ROR2: variants seen among roughly 807,000 people sequenced by gnomAD.
ROR2 encodes tyrosine-protein kinase transmembrane receptor ROR2.
In ROR2, 33 loss-of-function variants were observed where a neutral mutation model predicts 74.9. The ratio of observed to expected loss-of-function variants is 0.44; its 90% CI spans 0.33 to 0.59. The LOEUF (loss-of-function observed/expected upper bound fraction) is 0.59. ROR2 is among the 20% of genes least tolerant of loss of function. The pLI is 0.02. For missense variants in ROR2, 1,216 were observed against 1,313.8 expected, an observed-to-expected ratio of 0.93 and a Z score of 1.15; for synonymous variants, 586 against 558.7, an observed-to-expected ratio of 1.05 and a Z score of -0.69.
intron 1 of ROR2, among the ~76,000 whole-genome samples, chr9:91,827,183 G>A (rs1429075255): frequency 6.6e-6 from 1 of 151,980 alleles, no homozygotes; most frequent in East Asian, 1.9e-4. Flanking sequence ...TGCTCCATAA[G>A]GAACCCAATT....
intron 1 of ROR2, among the ~76,000 whole-genome samples, chr9:91,921,891 C>A: frequency 7.1e-6 from 1 of 141,702 alleles, no homozygotes. Context: ...GAAACTCTAA[C>A]AACAATAATA....
At chr9:91,883,334 C>G (rs1057501504) in intron 1 of ROR2, 2 of 152,304 alleles carry the variant, frequency 1.3e-5, no homozygotes, top group Non-Finnish European at 2.9e-5. Context: ...GGGAGTCACT[C>G]AACTTGTTCA....
chr9:91,790,351 A>T (rs545118490), intron 1 of ROR2, among the ~76,000 whole-genome samples: 1 of 151,972 alleles, frequency 6.6e-6, no homozygotes, highest in Non-Finnish European at 1.5e-5. Flanking sequence ...AAAAAAAAAA[A>T]ATACAAAAAT....
intron 1 of ROR2, among the ~76,000 whole-genome samples, chr9:91,939,453 C>G (rs1831790408): frequency 6.6e-6 from 1 of 152,118 alleles, no homozygotes; most frequent in African/African-American, 2.4e-5. Context: ...CCTAATAAGG[C>G]CACACTTTTC....
chr9:91,723,654 G>T lies in ROR2; in HGVS notation c.*8C>A. 1 of 1,613,076 alleles carries T rather than the reference G, an allele frequency of 6.2e-7. No homozygotes were observed. The highest frequency in any genetic ancestry group is 8.5e-7 in the Non-Finnish European group (1 of 1,179,770). Reference sequence around the variant, plus strand: ...CTTCTATCCCCGAACCCCGGGCCCTGGTGCCACTCAAGCTTCCAGCTGGAC... The same window carrying T: ...CTTCTATCCCCGAACCCCGGGCCCTTGTGCCACTCAAGCTTCCAGCTGGAC... On this transcript the variant is annotated 3_prime_UTR_variant, in exon 9 of 9. Coordinates refer to ENST00000375708, the MANE Select transcript of ROR2 (RefSeq NM_004560.4).
intron 1 of ROR2, among the ~76,000 whole-genome samples, chr9:91,927,562 C>CT (rs775823582): frequency 0.058 from 5,542 of 94,872 alleles, 423 homozygotes; most frequent in Non-Finnish European, 0.065. Flanking sequence ...TTTCTAGATT[C>CT]TTTTTTTTTT....
chr9:91,902,587 C>G (rs57688942), intron 1 of ROR2, among the ~76,000 whole-genome samples: 35,852 of 152,056 alleles, frequency 0.24, 4,871 homozygotes, highest in Admixed American at 0.42. Flanking sequence ...ACCCTGCCCC[C>G]ACCCCCAACA....
At chr9:91,927,562 CTTTTTTTTT>C (rs775823582) in intron 1 of ROR2, among the ~76,000 whole-genome samples, 1 of 94,944 alleles carries the variant, frequency 1.1e-5, no homozygotes, top group African/African-American at 4.4e-5. Context: ...TTTCTAGATT[CTTTTTTTTT>C]TTTTTTTTTT....
intron 1 of ROR2, among the ~76,000 whole-genome samples, chr9:91,899,350 C>G (rs565623327): frequency 6.6e-6 from 1 of 152,158 alleles, no homozygotes; most frequent in East Asian, 1.9e-4. Context: ...CAGAGCAGGA[C>G]CCAGCACTTA....
intron 2 of ROR2, among the ~76,000 whole-genome samples, chr9:91,758,358 A>T (rs1825822482): frequency 6.6e-6 from 1 of 152,230 alleles, no homozygotes; most frequent in Non-Finnish European, 1.5e-5. Context: ...GGTCAAAATG[A>T]TGTAAATTCA....
At chr9:91,744,575 T>G (rs1178429647) in intron 4 of ROR2, among the ~76,000 whole-genome samples, 1 of 152,164 alleles carries the variant, frequency 6.6e-6, no homozygotes, top group Non-Finnish European at 1.5e-5. Flanking sequence ...AATTAGACGC[T>G]GTATATTACT....
chr9:91,876,912 C>A (rs544150322), intron 1 of ROR2, among the ~76,000 whole-genome samples: 3 of 152,076 alleles, frequency 2.0e-5, no homozygotes, highest in Non-Finnish European at 4.4e-5. Context: ...CCAAGCTGAA[C>A]GACTCAAGTG....
intron 1 of ROR2, among the ~76,000 whole-genome samples, chr9:91,857,944 T>G (rs1006653457): frequency 1.3e-5 from 2 of 152,124 alleles, no homozygotes; most frequent in Non-Finnish European, 2.9e-5. Context: ...AGGGGTTAAC[T>G]TGGAGAAGGA....
At chr9:91,868,629 G>C (rs1036990039) in intron 1 of ROR2, among the ~76,000 whole-genome samples, 4 of 152,138 alleles carry the variant, frequency 2.6e-5, no homozygotes, top group African/African-American at 9.7e-5. Flanking sequence ...CAGATTTCTC[G>C]TTAAAAACAA....
chr9:91,805,954 A>G (rs1308883448), intron 1 of ROR2, among the ~76,000 whole-genome samples: 1 of 152,220 alleles, frequency 6.6e-6, no homozygotes. Flanking sequence ...CTCAGTAAGT[A>G]TATTCGGGCA....
intron 1 of ROR2, among the ~76,000 whole-genome samples, chr9:91,857,452 G>A (rs1829328077): frequency 6.6e-6 from 1 of 152,224 alleles, no homozygotes; most frequent in African/African-American, 2.4e-5. Flanking sequence ...CGACCAGCAT[G>A]AGGAACTGAG....
rs34687056 is a variant in ROR2, at chr9:91,829,549, C to CAAAAAAAAAAAAAAA, written c.98-53746_98-53732dup. Among the ~76,000 whole-genome samples the CAAAAAAAAAAAAAAA allele has an allele frequency of 1.1e-3, 44 of 40,502 alleles. 8 individuals carry two copies. Among genetic ancestry groups the CAAAAAAAAAAAAAAA allele is most frequent in the African/African-American group, 3.1e-3 (32 of 10,188 alleles). The allele number at this position is 40,502 out of a possible 152,430, so 26.6% of individuals were successfully genotyped here. On this transcript the variant is annotated intron_variant, in intron 1 of 8. Coordinates refer to ENST00000375708, the MANE Select transcript of ROR2 (RefSeq NM_004560.4). The stretch of plus-strand genomic sequence containing the variant: ...TGGGTGACACAGCGAGACTCCGTCT[C>CAAAAAAAAAAAAAAA]AAAAAAAAAAAAAAAAAAAAAAAAG...
At chr9:91,842,419 T>G (rs775182833) in intron 1 of ROR2, among the ~76,000 whole-genome samples, 78 of 152,206 alleles carry the variant, frequency 5.1e-4, no homozygotes, top group Non-Finnish European at 1.0e-3. Context: ...CTGAGGAAAC[T>G]GAGGCACCAA....
intron 1 of ROR2, among the ~76,000 whole-genome samples, chr9:91,844,314 G>C (rs564203356): frequency 6.6e-6 from 1 of 151,948 alleles, no homozygotes; most frequent in South Asian, 2.1e-4. Flanking sequence ...GTTCCTGGGG[G>C]CCTCCTCTGG....
Sources: allele counts gnomAD v4.1 joint callset (sites outside exome capture counted in the v4.1 genomes callset), GRCh38; gene constraint gnomAD v4.1.1; transcripts MANE v1.5; gene names NCBI Gene and HGNC (gene_info 2026-07-23, HGNC 2026-07-21).